DSCAML1: variants seen among roughly 807,000 people sequenced by gnomAD.
DSCAML1 encodes DS cell adhesion molecule like 1.
In DSCAML1, 38 loss-of-function variants were observed where a neutral mutation model predicts 200.5. That is an observed-to-expected ratio of 0.19 (90% CI 0.15 to 0.25). The LOEUF is 0.25. Among genes scored for constraint, DSCAML1 ranks in the 10% least tolerant of loss-of-function variants. The pLI is 1.00. For missense variants in DSCAML1, 2,223 were observed against 2,858.8 expected, an observed-to-expected ratio of 0.78 and a Z score of 5.07; for synonymous variants, 1,215 against 1,165.0, an observed-to-expected ratio of 1.04 and a Z score of -0.87.
chr11:117,684,900 C>T (rs747546751), intron 3 of DSCAML1, among the ~76,000 whole-genome samples: 1 of 152,232 alleles, frequency 6.6e-6, no homozygotes, highest in Non-Finnish European at 1.5e-5. Flanking sequence ...TTCCAAAGTC[C>T]CTTCTTCAAG....
At chr11:117,551,477 C>T (rs146610510) in intron 3 of DSCAML1, among the ~76,000 whole-genome samples, 8 of 152,248 alleles carry the variant, frequency 5.3e-5, no homozygotes, top group African/African-American at 1.9e-4. Flanking sequence ...GAGCTCAGCC[C>T]TCTCCCCCAC....
intron 3 of DSCAML1, among the ~76,000 whole-genome samples, chr11:117,605,452 C>G (rs2051546019): frequency 6.6e-6 from 1 of 152,338 alleles, no homozygotes; most frequent in African/African-American, 2.4e-5. Context: ...ACAAACCCAG[C>G]ACAGCCCAGA....
chr11:117,639,183 G>C (rs1307025281), intron 3 of DSCAML1, among the ~76,000 whole-genome samples: 1 of 152,132 alleles, frequency 6.6e-6, no homozygotes, highest in African/African-American at 2.4e-5. Flanking sequence ...GATACACTTG[G>C]AGAAAGGCTA....
At chr11:117,471,442 G>A (rs2048683631) in intron 15 of DSCAML1, among the ~76,000 whole-genome samples, 2 of 152,182 alleles carry the variant, frequency 1.3e-5, no homozygotes, top group Non-Finnish European at 1.5e-5. Flanking sequence ...AAAGTGCTGT[G>A]ATTACAGGCA....
At chr11:117,530,834 G>A (rs1477248553) in intron 4 of DSCAML1, among the ~76,000 whole-genome samples, 2 of 152,150 alleles carry the variant, frequency 1.3e-5, no homozygotes, top group Non-Finnish European at 2.9e-5. Context: ...GGCCTAGAGA[G>A]GCTGCGAGAT....
chr11:117,709,851 C>T, intron 3 of DSCAML1: 1 of 449,232 alleles, frequency 2.2e-6, no homozygotes, highest in Non-Finnish European at 4.5e-6. Context: ...ACCAATGACC[C>T]CTGAAGATAA....
At chr11:117,477,497 T>C (rs1296884178) in intron 14 of DSCAML1, among the ~76,000 whole-genome samples, 2 of 151,612 alleles carry the variant, frequency 1.3e-5, no homozygotes, top group African/African-American at 4.9e-5. Flanking sequence ...GGCTGGTGCA[T>C]GATTCTGCAA....
chr11:117,603,176 G>A (rs1013505548), intron 3 of DSCAML1, among the ~76,000 whole-genome samples: 1 of 152,200 alleles, frequency 6.6e-6, no homozygotes, highest in Non-Finnish European at 1.5e-5. Flanking sequence ...AACTGACACA[G>A]AGTCTCCCAA....
intron 3 of DSCAML1, among the ~76,000 whole-genome samples, chr11:117,687,424 C>CTTTTTTTTTT (rs1440234665): frequency 7.7e-5 from 4 of 51,816 alleles, no homozygotes; most frequent in African/African-American, 2.2e-4. Flanking sequence ...CCATGCCTGG[C>CTTTTTTTTTT]TATTTTTTTT....
intron 3 of DSCAML1, among the ~76,000 whole-genome samples, chr11:117,598,553 G>A (rs1284418506): frequency 6.6e-6 from 1 of 152,102 alleles, no homozygotes; most frequent in Non-Finnish European, 1.5e-5. Context: ...GTCTATTATG[G>A]GCCCCCATGC....
chr11:117,624,243 G>A (rs1036862724), intron 3 of DSCAML1, among the ~76,000 whole-genome samples: 6 of 152,178 alleles, frequency 3.9e-5, no homozygotes, highest in Non-Finnish European at 7.3e-5. Context: ...GAGATCAGGG[G>A]GAAGGATGGG....
At position 117,642,404 on chromosome 11, in the gene DSCAML1, C is replaced by A. The variant is rs1358815560; in HGVS notation, c.512-109882G>T. Among the ~76,000 whole-genome samples, 1 of 152,158 alleles carries A rather than the reference C, an allele frequency of 6.6e-6. No homozygotes were observed. Among genetic ancestry groups the A allele is most frequent in the Non-Finnish European group, 1.5e-5 (1 of 68,038 alleles). On this transcript the variant is annotated intron_variant, in intron 3 of 32. Transcript: ENST00000651296. This position sits in a 1 kb window ranked among gnomAD's most constrained non-coding sequence, Gnocchi z 4.1. ...TAGGTGGGTCTGTGTATAAGTCTGA[C>A]ACCCACAGGTCACAGTCTGGAGGCA...
intron 3 of DSCAML1, among the ~76,000 whole-genome samples, chr11:117,593,172 G>A (rs1478316385): frequency 2.0e-5 from 3 of 152,254 alleles, no homozygotes; most frequent in South Asian, 4.1e-4. Context: ...CACGTGTCCT[G>A]CCCTCGGCGG....
chr11:117,746,719 G>A (rs1249151441), intron 3 of DSCAML1, among the ~76,000 whole-genome samples: 3 of 151,904 alleles, frequency 2.0e-5, no homozygotes, highest in Non-Finnish European at 4.4e-5. Flanking sequence ...GGACCCTAGG[G>A]TGCTCCCCAA....
chr11:117,659,134 A>C (rs896048653), intron 3 of DSCAML1, among the ~76,000 whole-genome samples: 1 of 152,200 alleles, frequency 6.6e-6, no homozygotes, highest in African/African-American at 2.4e-5. Flanking sequence ...AAGGTAAGCC[A>C]AGTTCAGCAT....
chr11:117,783,542 G>A (rs559475445), intron 1 of DSCAML1, among the ~76,000 whole-genome samples: 7 of 152,184 alleles, frequency 4.6e-5, no homozygotes, highest in Admixed American at 1.3e-4. Context: ...TCTAGATACC[G>A]TATTTATATT....
chr11:117,478,877 G>T (rs530426054), intron 14 of DSCAML1, among the ~76,000 whole-genome samples: 1 of 152,146 alleles, frequency 6.6e-6, no homozygotes, highest in Non-Finnish European at 1.5e-5. Flanking sequence ...GTTGGCTGAC[G>T]CCCCTCCTTG....
At chr11:117,607,236 G>A (rs910362828) in intron 3 of DSCAML1, among the ~76,000 whole-genome samples, 2 of 152,220 alleles carry the variant, frequency 1.3e-5, no homozygotes, top group Non-Finnish European at 2.9e-5. Flanking sequence ...CTGTGGCTGA[G>A]TCTATCCACC....
intron 3 of DSCAML1, among the ~76,000 whole-genome samples, chr11:117,648,178 G>T (rs777107180): frequency 2.6e-5 from 4 of 152,212 alleles, no homozygotes; most frequent in Non-Finnish European, 5.9e-5. Flanking sequence ...CATCTCAGAG[G>T]GGGGCCTCAG....
Sources: allele counts gnomAD v4.1 joint callset (sites outside exome capture counted in the v4.1 genomes callset), GRCh38; gene constraint gnomAD v4.1.1; non-coding constraint Gnocchi (gnomAD v3.1); transcripts MANE v1.5; gene names NCBI Gene and HGNC (gene_info 2026-07-23, HGNC 2026-07-21).